FANCG: variants seen among roughly 807,000 people sequenced by gnomAD.
The protein encoded by FANCG is Fanconi anemia group G protein.
Under a neutral mutation model 73.3 loss-of-function variants are expected in FANCG, and 67 were observed. The observed-to-expected ratio is 0.91, with a 90% confidence interval of 0.75 to 1.12. FANCG has a LOEUF of 1.12. Ranked by LOEUF, FANCG falls within the 50% of genes most tolerant of loss-of-function variation. FANCG has a pLI of 0.00. For missense variants in FANCG, 643 were observed against 735.6 expected, an observed-to-expected ratio of 0.87 and a Z score of 1.46; for synonymous variants, 297 against 311.6, an observed-to-expected ratio of 0.95 and a Z score of 0.49.
Position 35,079,836 on chromosome 9 carries a change from A to C in FANCG, c.-312T>G. 4.2e-6 allele frequency: 2 copies of C among 472,936 alleles called. No individual in the cohort carries two copies. The highest frequency in any genetic ancestry group is 3.7e-5 in the East Asian group (1 of 26,772). 29.3% of individuals were successfully genotyped at this position (472,936 alleles called of 1,614,324 possible). ...GGGAGGAAACGAGTCAGCAACCCCA[A>C]ACAGGCTTAGGCGGGCTAGAAGCCG... On this transcript the variant is annotated 5_prime_UTR_variant, in exon 1 of 14. Transcript: ENST00000378643.
At position 35,079,707 on chromosome 9, in the gene FANCG, C is replaced by T; in HGVS notation, c.-183G>A. The T allele has an allele frequency of 1.6e-6, 1 of 644,962 alleles. No homozygotes were observed. Among genetic ancestry groups the T allele is most frequent in the South Asian group, 1.7e-5 (1 of 57,838 alleles). The allele number at this position is 644,962 out of a possible 1,614,324, so 40.0% of individuals were successfully genotyped here. A position where few individuals can be genotyped will look rare whatever the true frequency, so the allele number is the denominator to read the frequency against. ...TCCAGGACAGATGGGACGCTCTCTC[C>T]CCGCGGCCCGCCGGGCTCTCAACCT... On this transcript the variant is annotated 5_prime_UTR_variant, in exon 1 of 14. Transcript: ENST00000378643.
intron 4 of FANCG, 34 bp downstream of exon 4, chr9:35,078,107 G>A (rs774507631): frequency 3.8e-6 from 6 of 1,584,362 alleles, no homozygotes; most frequent in Non-Finnish European, 5.2e-6. Context: ...AAGGAAGGAG[G>A]AGACCCTCAG....
In FANCG at chr9:35,074,019, C is replaced by T; in HGVS notation, c.*89G>A. 1.0e-6 allele frequency: 1 copy of T among 971,830 alleles called. No homozygotes were observed. The highest frequency in any genetic ancestry group is 1.3e-5 in the South Asian group (1 of 77,792). 60.2% of individuals were successfully genotyped at this position (971,830 alleles called of 1,614,324 possible). ...AGTCCAGGAATTATATAGGAATGGT[C>T]ACATTCCTAATGATGGTGAAGCAGA... On this transcript the variant is annotated 3_prime_UTR_variant, in exon 14 of 14. Transcript: ENST00000378643.
At position 35,076,023 on chromosome 9, in the gene FANCG, C is replaced by T. The variant is rs1276088946; in HGVS notation, c.1082G>A (p.Gly361Glu). 1 of 1,614,050 alleles carries T rather than the reference C, an allele frequency of 6.2e-7. No homozygotes were observed. Among genetic ancestry groups the T allele is most frequent in the Non-Finnish European group, 8.5e-7 (1 of 1,180,020 alleles). ...ASRCLQTGRA[G>E]DAAEHYLDLL... ...GTCCAAGTAATGCTCTGCAGCGTCT[C>T]CTGCCCTGAGGAGTAAAAGCCCATA... The change falls in exon 9 of 14, where the codon GGA (glycine) becomes GAA (glutamate). Residue 361 changes from glycine (G) to glutamate (E), a missense_variant. Gly to Glu is a moderately conservative substitution (Grantham distance 98). Coordinates refer to ENST00000378643, the MANE Select transcript of FANCG (RefSeq NM_004629.2).
rs780783182 is a variant in FANCG, at chr9:35,079,403, T to C, written c.84+38A>G. 6.2e-6 allele frequency: 10 copies of C among 1,612,054 alleles called. No individual in the cohort carries two copies. The South Asian group carries it at 1.1e-4, about 18-fold the overall frequency. ...CACTGCAAACCCGCTTTCAGGGATC[T>C]TGAGGCTGCAAACCGAGGGTGCCAG... On this transcript the variant is annotated intron_variant, in intron 1 of 13. Coordinates refer to ENST00000378643, the MANE Select transcript of FANCG (RefSeq NM_004629.2).
In FANCG at chr9:35,073,974, G is replaced by C; in HGVS notation, c.*134C>G. ...GGTAGTAACTAGGGCAAATTTCACAGGCCTACCACCAATCTCACCAGTCCA... is the reference window on the plus strand; with the variant it reads ...GGTAGTAACTAGGGCAAATTTCACACGCCTACCACCAATCTCACCAGTCCA... On this transcript the variant is annotated 3_prime_UTR_variant, in exon 14 of 14. Coordinates refer to ENST00000378643, the MANE Select transcript of FANCG (RefSeq NM_004629.2). 1.3e-6 allele frequency: 1 copy of C among 760,090 alleles called. No homozygotes were observed. Among genetic ancestry groups the C allele is most frequent in the Middle Eastern group, 3.2e-4 (1 of 3,130 alleles). 47.1% of individuals were successfully genotyped at this position (760,090 alleles called of 1,614,324 possible).
intron 4 of FANCG, 145 bp downstream of exon 4, chr9:35,077,996 T>C: frequency 1.3e-6 from 1 of 797,496 alleles, no homozygotes; most frequent in South Asian, 1.4e-5. Flanking sequence ...CAGGGCAAGG[T>C]CACCCAAGAG....
At position 35,078,279 on chromosome 9, in the gene FANCG, A is replaced by G. The variant is rs1829122971; in HGVS notation, c.372T>C (p.Ser124=). The change falls in exon 4 of 14, where the codon TCT becomes TCC. Residue 124 remains serine (S), a synonymous_variant. Transcript: ENST00000378643. ...GCAGAAGGCAGGAAGCACGAAGGAC[A>G]GAGTCCCACAGCTCCCTGAGCCCCT... The part of the protein sequence containing the change: ...LEQGLRELWD[S]VLRASCLLPE... 1 of 1,613,958 alleles carries G rather than the reference A, an allele frequency of 6.2e-7. No homozygotes were observed. The highest frequency in any genetic ancestry group is 2.2e-5 in the East Asian group (1 of 44,880).
At chr9:35,074,870 T>A in intron 12 of FANCG, 57 bp downstream of exon 12, 1 of 1,605,546 alleles carries the variant, frequency 6.2e-7, no homozygotes, top group Admixed American at 1.7e-5. Context: ...GTATTTCCCA[T>A]GGGCCTCTCT....
In FANCG at chr9:35,075,064, T is replaced by C; in HGVS notation, c.1499A>G (p.Glu500Gly). 5.0e-6 allele frequency: 8 copies of C among 1,614,122 alleles called. No homozygotes were observed. Among genetic ancestry groups the C allele is most frequent in the Non-Finnish European group, 6.8e-6 (8 of 1,180,026 alleles). The change falls in exon 12 of 14, where the codon GAG (glutamate) becomes GGG (glycine). Residue 500 changes from glutamate to glycine, a missense_variant. Physicochemically the swap from Glu to Gly is moderately conservative, Grantham distance 98. Transcript: ENST00000378643. ...TGCCGCATCTGACTTACATCCCTGC[T>C]CACAGTTGAAAGCTGCCCCTGGGGA... ...EKEQGAAFNC[E>G]QGCKSDAALQ...
intron 9 of FANCG, 102 bp from the exon 10 acceptor site, chr9:35,075,856 G>C: frequency 6.5e-7 from 1 of 1,533,658 alleles, no homozygotes; most frequent in Admixed American, 1.7e-5. Context: ...CCCCCAGACT[G>C]GACAGACAGA....
chr9:35,075,863 C>A (rs930687537), intron 9 of FANCG, 99 bp downstream of exon 9: 1 of 1,542,200 alleles, frequency 6.5e-7, no homozygotes, highest in Non-Finnish European at 9.0e-7. Context: ...ACTGGACAGA[C>A]AGAATAGAGG....
chr9:35,079,424 G>T lies in FANCG; in HGVS notation c.84+17C>A. The stretch of plus-strand genomic sequence containing the variant: ...GATCTTGAGGCTGCAAACCGAGGGT[G>T]CCAGCAACCGTGTTACCTTGGCCTG... On this transcript the variant is annotated intron_variant, in intron 1 of 13. Coordinates refer to ENST00000378643, the MANE Select transcript of FANCG (RefSeq NM_004629.2). 1 of 1,613,866 alleles carries T rather than the reference G, an allele frequency of 6.2e-7. No individual in the cohort carries two copies. The highest frequency in any genetic ancestry group is 1.3e-5 in the African/African-American group (1 of 75,040).
rs886063896 is a variant in FANCG, at chr9:35,075,646, C to T, written c.1252G>A (p.Glu418Lys). Residue 418 changes from glutamate (E) to lysine (K), a missense_variant, in exon 10 of 14, where the codon GAG (glutamate) becomes AAG (lysine). Coordinates refer to ENST00000378643, the MANE Select transcript of FANCG (RefSeq NM_004629.2). ...GRAQDALTLC[E>K]ELLSRTSSLL... is the part of the protein sequence containing the mutation. Reference sequence around the variant, plus strand: ...GATGATGTGCGGCTGAGCAACTCCTCACATAGAGTCAAGGCATCTTGGGCT... The same window carrying T: ...GATGATGTGCGGCTGAGCAACTCCTTACATAGAGTCAAGGCATCTTGGGCT... The T allele has an allele frequency of 1.9e-6, 3 of 1,613,314 alleles. No individual in the cohort carries two copies. The Admixed American group carries it at 5.0e-5, about 27-fold the overall frequency.
rs758384969 is a variant in FANCG at position 35,078,685 on chromosome 9, T to C, written c.227A>G (p.Asn76Ser). 18 of 1,614,138 alleles carry C rather than the reference T, an allele frequency of 1.1e-5. No homozygotes were observed. The highest frequency in any genetic ancestry group is 1.5e-5 in the Non-Finnish European group (18 of 1,180,026). Residue 76 changes from asparagine to serine, a missense_variant, in exon 3 of 14, where the codon AAC (asparagine) becomes AGC (serine). Coordinates refer to ENST00000378643, the MANE Select transcript of FANCG (RefSeq NM_004629.2). The stretch of plus-strand genomic sequence containing the variant: ...CAAGCTTGCCCTCAGGATAATGAAG[T>C]TGCAGGTGACAGTCAGCTCCAAGGG... ...VLPLELTVTC[N>S]FIILRASLAQ...
chr9:35,074,712 C>G (rs1016213276), intron 12 of FANCG: 2 of 854,552 alleles, frequency 2.3e-6, no homozygotes, highest in Non-Finnish European at 3.7e-6. Flanking sequence ...GTCTTTGTGT[C>G]TGAGGATATC....
chr9:35,079,733 C>G lies in FANCG; in HGVS notation c.-209G>C. The G allele has an allele frequency of 1.6e-6, 1 of 613,502 alleles. No individual in the cohort carries two copies. 38.0% of individuals were successfully genotyped at this position (613,502 alleles called of 1,614,324 possible). A position where few individuals can be genotyped will look rare whatever the true frequency, so the allele number is the denominator to read the frequency against. On this transcript the variant is annotated 5_prime_UTR_variant, in exon 1 of 14. Coordinates refer to ENST00000378643, the MANE Select transcript of FANCG (RefSeq NM_004629.2). ...CCGCGGCCCGCCGGGCTCTCAACCT[C>G]GCCTCTGGTTGGCCGGGTCTGCGAA...
intron 4 of FANCG, 131 bp downstream of exon 4, chr9:35,078,010 C>T (rs1829117163): frequency 1.1e-6 from 1 of 874,336 alleles, no homozygotes; most frequent in African/African-American, 1.6e-5. Context: ...CCAAGAGTCC[C>T]AGAGAGAATC....
chr9:35,075,051 C>T lies in FANCG; in HGVS notation c.1512G>A (p.Lys504=), dbSNP rs746983204. 1 of 1,614,208 alleles carries T rather than the reference C, an allele frequency of 6.2e-7. No homozygotes were observed. Among genetic ancestry groups the T allele is most frequent in the South Asian group, 1.1e-5 (1 of 91,086 alleles). ...GAAGCTGCTGCAGTGCCGCATCTGA[C>T]TTACATCCCTGCTCACAGTTGAAAG... ...GAAFNCEQGC[K]SDAALQQLRA... Residue 504 remains lysine, a synonymous_variant, in exon 12 of 14, where the codon AAG becomes AAA. Transcript: ENST00000378643.
Sources: gnomAD v4.1 joint callset for allele counts on GRCh38, gnomAD v4.1.1 for gene constraint, MANE v1.5 for transcripts, NCBI Gene and HGNC (gene_info 2026-07-23, HGNC 2026-07-21) for gene names.